The following MRTFA variants were observed in gnomAD, a reference collection of about 807,000 sequenced individuals.
MRTFA encodes myocardin-related transcription factor A.
MRTFA carries 20 observed loss-of-function variants against 83.5 expected under a neutral mutation model. That is an observed-to-expected ratio of 0.24 (90% CI 0.17 to 0.35). The LOEUF is 0.35. Ranked by LOEUF, MRTFA falls within the 10% of genes least tolerant of loss-of-function variation. MRTFA has a pLI of 1.00. For missense variants in MRTFA, 1,200 were observed against 1,224.7 expected, an observed-to-expected ratio of 0.98 and a Z score of 0.30; for synonymous variants, 659 against 541.2, an observed-to-expected ratio of 1.22 and a Z score of -3.02.
chr22:40,464,610 G>A (rs140537392), intron 3 of MRTFA, among the ~76,000 whole-genome samples: 112 of 152,214 alleles, frequency 7.4e-4, no homozygotes, highest in African/African-American at 2.6e-3. Context: ...GTCTTCAGGT[G>A]TAGGGGCCTT....
At chr22:40,576,080 G>A (rs1295235993) in intron 2 of MRTFA, among the ~76,000 whole-genome samples, 1 of 148,886 alleles carries the variant, frequency 6.7e-6, no homozygotes, top group African/African-American at 2.5e-5. Context: ...CCAGGCTGGA[G>A]TACAGTGGCA....
At chr22:40,579,467 C>T (rs1289435160) in intron 2 of MRTFA, among the ~76,000 whole-genome samples, 2 of 152,144 alleles carry the variant, frequency 1.3e-5, no homozygotes, top group Non-Finnish European at 2.9e-5. Context: ...CAGTATCATA[C>T]TAGTTTACAG....
At chr22:40,526,059 A>C (rs2054966346) in intron 3 of MRTFA, among the ~76,000 whole-genome samples, 1 of 151,792 alleles carries the variant, frequency 6.6e-6, no homozygotes, top group South Asian at 2.1e-4. Context: ...TCTGTCACCC[A>C]GGCTGGAGTG....
At chr22:40,504,973 ATATC>A (rs1235104407) in intron 3 of MRTFA, among the ~76,000 whole-genome samples, 2 of 152,198 alleles carry the variant, frequency 1.3e-5, no homozygotes, top group Non-Finnish European at 2.9e-5. Context: ...CATAATGACT[ATATC>A]TATCCCCAAC....
At chr22:40,588,290 G>A (rs541836661) in intron 2 of MRTFA, among the ~76,000 whole-genome samples, 2 of 152,248 alleles carry the variant, frequency 1.3e-5, no homozygotes, top group East Asian at 3.9e-4. Context: ...GCCTTCCAAA[G>A]TGCTGGGATT....
Position 40,410,356 on chromosome 22 carries a change from G to T in MRTFA, c.*1034C>A, listed in dbSNP as rs1229906091. 1.1e-5 allele frequency: 3 copies of T among 273,484 alleles called. No homozygotes were observed. Among genetic ancestry groups the T allele is most frequent in the African/African-American group, 6.5e-5 (3 of 45,968 alleles). 16.9% of individuals were successfully genotyped at this position (273,484 alleles called of 1,614,324 possible). A position where few individuals can be genotyped will look rare whatever the true frequency, so the allele number is the denominator to read the frequency against. ...CATCTTTGTCCCAGCACTGGTTTTGGTGACTCCACCCCTACTCCCCTATGA... is the reference window on the plus strand; with the variant it reads ...CATCTTTGTCCCAGCACTGGTTTTGTTGACTCCACCCCTACTCCCCTATGA... On this transcript the variant is annotated 3_prime_UTR_variant, in exon 15 of 15. Coordinates refer to ENST00000355630, the MANE Select transcript of MRTFA (RefSeq NM_020831.6).
intron 2 of MRTFA, among the ~76,000 whole-genome samples, chr22:40,579,814 G>A (rs1040863410): frequency 7.9e-5 from 12 of 151,054 alleles, no homozygotes; most frequent in Non-Finnish European, 1.3e-4. Flanking sequence ...GAGCCAAGAC[G>A]GCGCCATTGC....
chr22:40,636,234 G>C (rs1000301585), intron 1 of MRTFA, among the ~76,000 whole-genome samples: 1 of 152,156 alleles, frequency 6.6e-6, no homozygotes, highest in African/African-American at 2.4e-5. Flanking sequence ...CAGTGCACAG[G>C]TGCACGACCG....
At chr22:40,584,416 G>A (rs1418083639) in intron 2 of MRTFA, among the ~76,000 whole-genome samples, 1 of 152,168 alleles carries the variant, frequency 6.6e-6, no homozygotes, top group Non-Finnish European at 1.5e-5. Context: ...GAGCTGTCTG[G>A]CTCAGCACGT....
chr22:40,493,744 GA>G (rs887246217), intron 3 of MRTFA, among the ~76,000 whole-genome samples: 1 of 152,172 alleles, frequency 6.6e-6, no homozygotes, highest in Non-Finnish European at 1.5e-5. Flanking sequence ...ATGCTATGTA[GA>G]AAAACAGTTT....
At chr22:40,552,696 A>C (rs1441514135) in intron 2 of MRTFA, among the ~76,000 whole-genome samples, 3 of 152,230 alleles carry the variant, frequency 2.0e-5, no homozygotes, top group Non-Finnish European at 4.4e-5. Flanking sequence ...GGAACTGTGA[A>C]TCAATTAAAT....
Position 40,586,824 on chromosome 22 carries a change from C to T in MRTFA, c.-22+7850G>A, listed in dbSNP as rs761595566. The T allele has an allele frequency of 1.1e-4, 44 of 390,384 alleles. 1 individual carries two copies. The highest frequency in any genetic ancestry group is 2.3e-4 in the South Asian group (12 of 52,092). 24.2% of individuals were successfully genotyped at this position (390,384 alleles called of 1,614,324 possible). On this transcript the variant is annotated intron_variant, in intron 2 of 14. Coordinates refer to ENST00000355630, the MANE Select transcript of MRTFA (RefSeq NM_020831.6). ...TGCTTAAAAACAACAACCTTCTTTC[C>T]TTTCTTCCCTACCACAGGCTTCTTG...
At chr22:40,479,411 G>A (rs1156397432) in intron 3 of MRTFA, among the ~76,000 whole-genome samples, 1 of 152,060 alleles carries the variant, frequency 6.6e-6, no homozygotes, top group Non-Finnish European at 1.5e-5. Flanking sequence ...TGGGGCATCC[G>A]CTGCTGCTGG....
chr22:40,417,147 G>A, intron 13 of MRTFA, 101 bp from the exon 14 acceptor site: 1 of 1,431,460 alleles, frequency 7.0e-7, no homozygotes, highest in Non-Finnish European at 9.5e-7. Context: ...AGAATAAGCA[G>A]CCAGATCCAC....
chr22:40,612,523 G>C (rs540114123), intron 1 of MRTFA, among the ~76,000 whole-genome samples: 1 of 152,166 alleles, frequency 6.6e-6, no homozygotes, highest in African/African-American at 2.4e-5. Flanking sequence ...TATTGACCTG[G>C]AGAGTACTTT....
At chr22:40,459,814 C>CAT (rs1265352276) in intron 4 of MRTFA, among the ~76,000 whole-genome samples, 9 of 106,220 alleles carry the variant, frequency 8.5e-5, no homozygotes, top group Non-Finnish European at 1.5e-4. Context: ...CACACACACA[C>CAT]ACACACACAT....
At chr22:40,502,188 G>A (rs1220357711) in intron 3 of MRTFA, among the ~76,000 whole-genome samples, 2 of 141,666 alleles carry the variant, frequency 1.4e-5, no homozygotes, top group Admixed American at 6.8e-5. Context: ...CCCGGACGGG[G>A]TGGCTGCCGG....
At chr22:40,452,065 C>T (rs766386398) in intron 4 of MRTFA, among the ~76,000 whole-genome samples, 21 of 148,872 alleles carry the variant, frequency 1.4e-4, no homozygotes, top group Non-Finnish European at 2.8e-4. Context: ...CTCACTGCCA[C>T]CTCTGCCTCC....
intron 2 of MRTFA, among the ~76,000 whole-genome samples, chr22:40,583,718 G>A (rs2055983168): frequency 6.6e-6 from 1 of 152,180 alleles, no homozygotes; most frequent in Admixed American, 6.5e-5. Context: ...ACATACAAGG[G>A]ATCTAGGTTG....
Sources: gnomAD v4.1 joint callset for allele counts (sites outside exome capture counted in the v4.1 genomes callset) on GRCh38, gnomAD v4.1.1 for gene constraint, MANE v1.5 for transcripts, NCBI Gene and HGNC (gene_info 2026-07-23, HGNC 2026-07-21) for gene names.